Variants in SEMA5A observed in about 807,000 individuals in gnomAD.
SEMA5A encodes the protein semaphorin 5A, also known as semaphorin-5A.
Under a neutral mutation model 135.5 loss-of-function variants are expected in SEMA5A, and 55 were observed. That is an observed-to-expected ratio of 0.41 (90% CI 0.33 to 0.51). SEMA5A has a LOEUF of 0.51. SEMA5A is among the 20% of genes least tolerant of loss of function. SEMA5A has a pLI of 0.37. For missense variants in SEMA5A, 1,290 were observed against 1,419.9 expected (o/e 0.91, Z 1.47); for synonymous variants, 580 against 546.5 (o/e 1.06, Z -0.85).
At position 9,036,717 on chromosome 5, in the gene SEMA5A, T is replaced by C. The variant is rs1017041892; in HGVS notation, c.*6180A>G. On this transcript the variant is annotated 3_prime_UTR_variant, in exon 23 of 23. Transcript: ENST00000382496. The stretch of plus-strand genomic sequence containing the variant: ...GTGCTTCTTGGTCATTTTCTATTCC[T>C]GAGTTCAAAGAGACATAGGAGAATA... 6 of 152,646 alleles carry C rather than the reference T, an allele frequency of 3.9e-5. No homozygotes were observed. The highest frequency in any genetic ancestry group is 5.9e-5 in the Non-Finnish European group (4 of 68,032). The allele number at this position is 152,646 out of a possible 1,614,324, so 9.5% of individuals were successfully genotyped here. A position where few individuals can be genotyped will look rare whatever the true frequency, so the allele number is the denominator to read the frequency against.
At chr5:9,144,884 C>T (rs1742250390) in intron 12 of SEMA5A, among the ~76,000 whole-genome samples, 1 of 152,172 alleles carries the variant, frequency 6.6e-6, no homozygotes, top group Admixed American at 6.5e-5. Flanking sequence ...GAATCCTCCT[C>T]TCAGACAACA....
chr5:9,208,170 TA>T (rs1330267202), intron 8 of SEMA5A, among the ~76,000 whole-genome samples: 1 of 152,174 alleles, frequency 6.6e-6, no homozygotes, highest in African/African-American at 2.4e-5. Context: ...CTCTATTTAT[TA>T]AAAATAACTC....
chr5:9,088,452 AAGTT>A lies in SEMA5A; in HGVS notation c.2073+19684_2073+19687del, dbSNP rs1738833964. 2.6e-5 allele frequency among the ~76,000 whole-genome samples: 4 copies of A among 150,964 alleles called. No homozygotes were observed. In the South Asian group the frequency reaches 6.3e-4, roughly 24 times the overall value. Reference sequence around the variant, plus strand: ...TTCTCTTATACTGTGACAGAAAAAAAAGTTAGTTTTCTTTTAGAATGTTCCTCAA... The same window carrying A: ...TTCTCTTATACTGTGACAGAAAAAAAAGTTTTCTTTTAGAATGTTCCTCAA... On this transcript the variant is annotated intron_variant, in intron 16 of 22. Transcript: ENST00000382496.
At chr5:9,487,626 G>A (rs1734798785) in intron 1 of SEMA5A, among the ~76,000 whole-genome samples, 1 of 152,168 alleles carries the variant, frequency 6.6e-6, no homozygotes, top group Non-Finnish European at 1.5e-5. Context: ...AGAGTTAAGT[G>A]AAAGTGTTAA....
intron 5 of SEMA5A, among the ~76,000 whole-genome samples, chr5:9,289,983 G>A (rs143298232): frequency 8.1e-4 from 124 of 152,262 alleles, no homozygotes; most frequent in African/African-American, 3.0e-3. Flanking sequence ...TGATTGTTGA[G>A]CATCATCATT....
At chr5:9,432,228 A>G (rs1468811667) in intron 2 of SEMA5A, among the ~76,000 whole-genome samples, 1 of 152,184 alleles carries the variant, frequency 6.6e-6, no homozygotes, top group Non-Finnish European at 1.5e-5. Flanking sequence ...CTGAGTACAC[A>G]ATCGGATGGG....
At position 9,162,564 on chromosome 5, in the gene SEMA5A, G is replaced by GTGTATATATATATATA. The variant is rs1331354641; in HGVS notation, c.1274-7870_1274-7869insTATATATATATATACA. On this transcript the variant is annotated intron_variant, in intron 11 of 22. Coordinates refer to ENST00000382496, the MANE Select transcript of SEMA5A (RefSeq NM_003966.3). ...TGTGTGTATATATGTGTGTGTGTGTGTATATATATATATATATATATACAC... is the reference window on the plus strand; with the variant it reads ...TGTGTGTATATATGTGTGTGTGTGTGTGTATATATATATATATATATATATATATATATATATACAC... Among the ~76,000 whole-genome samples the GTGTATATATATATATA allele has an allele frequency of 1.1e-3, 92 of 84,036 alleles. 2 individuals carry two copies. The highest frequency in any genetic ancestry group is 3.4e-3 in the African/African-American group (86 of 25,610). 55.1% of individuals were successfully genotyped at this position (84,036 alleles called of 152,430 possible).
At chr5:9,137,780 T>C (rs1253863312) in intron 12 of SEMA5A, among the ~76,000 whole-genome samples, 1 of 152,124 alleles carries the variant, frequency 6.6e-6, no homozygotes, top group African/African-American at 2.4e-5. Flanking sequence ...TAATGATGAG[T>C]TGTTCATATT....
At chr5:9,423,437 G>T (rs979629721) in intron 2 of SEMA5A, among the ~76,000 whole-genome samples, 3 of 152,126 alleles carry the variant, frequency 2.0e-5, no homozygotes, top group Admixed American at 6.5e-5. Flanking sequence ...TTTCACAAAG[G>T]CTTCCCTATG....
chr5:9,114,339 A>G (rs904305762), intron 15 of SEMA5A, among the ~76,000 whole-genome samples: 4 of 152,232 alleles, frequency 2.6e-5, no homozygotes, highest in African/African-American at 9.6e-5. Flanking sequence ...TAACAATTAC[A>G]GAGTTTATGT....
At chr5:9,192,152 G>A (rs1489265446) in intron 10 of SEMA5A, among the ~76,000 whole-genome samples, 2 of 152,152 alleles carry the variant, frequency 1.3e-5, no homozygotes, top group Admixed American at 1.3e-4. Flanking sequence ...GAAGGGCTCA[G>A]CCCTGCCATG....
At chr5:9,147,769 T>C (rs1201313244) in intron 12 of SEMA5A, among the ~76,000 whole-genome samples, 1 of 147,606 alleles carries the variant, frequency 6.8e-6, no homozygotes, top group Non-Finnish European at 1.5e-5. Context: ...AGGCTTTCAA[T>C]CCTTTTGCTA....
intron 5 of SEMA5A, among the ~76,000 whole-genome samples, chr5:9,306,370 C>T (rs1268891418): frequency 6.6e-6 from 1 of 152,172 alleles, no homozygotes; most frequent in African/African-American, 2.4e-5. Flanking sequence ...TTTCCACAGA[C>T]TGGTCTTCCA....
rs531650706 is a variant in SEMA5A, at chr5:9,083,208, G to A, written c.2074-16562C>T. On this transcript the variant is annotated intron_variant, in intron 16 of 22. Transcript: ENST00000382496. ...CTCTTGGGTGTTTTCTTGGCTCTCT[G>A]TGCTGGGATTTCATCATTTAATGGA... Among the ~76,000 whole-genome samples the A allele has an allele frequency of 3.3e-5, 5 of 152,274 alleles. No individual in the cohort carries two copies. The South Asian group carries it at 1.0e-3, about 32-fold the overall frequency.
At chr5:9,274,100 A>G (rs562830197) in intron 5 of SEMA5A, among the ~76,000 whole-genome samples, 401 of 152,290 alleles carry the variant, frequency 2.6e-3, no homozygotes, top group African/African-American at 9.0e-3. Context: ...GACCCATCTC[A>G]TGTGCAAAGA....
Position 9,124,488 on chromosome 5 carries a change from G to A in SEMA5A, c.1600-1651C>T, listed in dbSNP as rs543286520. ...GTTGTTGTTTTTGAGATGGAGTCTC[G>A]CTCTGTTGCCCAGGCTGGAGTGCAG... is the stretch of plus-strand genomic sequence containing the variant. On this transcript the variant is annotated intron_variant, in intron 13 of 22. Transcript: ENST00000382496. Among the ~76,000 whole-genome samples the A allele has an allele frequency of 1.4e-4, 21 of 152,128 alleles. No homozygotes were observed. In the East Asian group the frequency reaches 1.9e-3, roughly 14 times the overall value.
intron 1 of SEMA5A, among the ~76,000 whole-genome samples, chr5:9,479,488 A>G (rs547244271): frequency 6.6e-6 from 1 of 152,174 alleles, no homozygotes; most frequent in South Asian, 2.1e-4. Flanking sequence ...TCTGCAGCTT[A>G]TAAGTGTTCC....
At chr5:9,219,740 C>A (rs1336194168) in intron 8 of SEMA5A, among the ~76,000 whole-genome samples, 44 of 152,158 alleles carry the variant, frequency 2.9e-4, no homozygotes. Context: ...TGTTTAAGCA[C>A]CCAGGCTGTG....
chr5:9,368,633 C>T (rs1755012089), intron 3 of SEMA5A, among the ~76,000 whole-genome samples: 1 of 152,162 alleles, frequency 6.6e-6, no homozygotes, highest in South Asian at 2.1e-4. Context: ...CAGAATGTCA[C>T]ATAATGAGAT....
Sources: allele counts gnomAD v4.1 joint callset (sites outside exome capture counted in the v4.1 genomes callset), GRCh38; gene constraint gnomAD v4.1.1; transcripts MANE v1.5; gene names NCBI Gene and HGNC (gene_info 2026-07-23, HGNC 2026-07-21).